The following NSMCE2 variants were observed in gnomAD, a reference collection of about 807,000 sequenced individuals.
NSMCE2 encodes E3 SUMO-protein ligase NSE2.
NSMCE2 carries 24 observed loss-of-function variants against 23.8 expected under a neutral mutation model. The observed-to-expected ratio is 1.01, with a 90% CI of 0.73 to 1.42. NSMCE2 has a LOEUF of 1.42. NSMCE2 is among the 40% of genes most tolerant of loss of function. NSMCE2 has a pLI of 0.00. For missense variants in NSMCE2, 284 were observed against 296.5 expected (o/e 0.96, Z 0.31); for synonymous variants, 92 against 94.1 (o/e 0.98, Z 0.13).
Position 125,179,793 on chromosome 8 carries a change from C to T in NSMCE2, c.265-2310C>T, listed in dbSNP as rs531131825. 2.6e-5 allele frequency among the ~76,000 whole-genome samples: 4 copies of T among 152,308 alleles called. No individual in the cohort carries two copies. In the South Asian group the frequency reaches 8.3e-4, roughly 32 times the overall value. ...CTCTCCCCTCCATCCTCACTGCCCC[C>T]ACTCAGTCTTCACCTCCTCAGCAGT... On this transcript the variant is annotated intron_variant, in intron 4 of 7. Transcript: ENST00000287437.
chr8:125,166,751 C>T (rs1821899648), intron 4 of NSMCE2, among the ~76,000 whole-genome samples: 1 of 152,160 alleles, frequency 6.6e-6, no homozygotes, highest in African/African-American at 2.4e-5. Flanking sequence ...CCAGTGGTCC[C>T]AGCTATGGAA....
chr8:125,309,525 G>A (rs1828897751), intron 5 of NSMCE2, among the ~76,000 whole-genome samples: 1 of 152,074 alleles, frequency 6.6e-6, no homozygotes, highest in African/African-American at 2.4e-5. Context: ...GAGTTTGAGA[G>A]CAAGCTGGAC....
intron 3 of NSMCE2, among the ~76,000 whole-genome samples, chr8:125,127,720 A>G (rs1450329341): frequency 6.6e-6 from 1 of 152,092 alleles, no homozygotes. Flanking sequence ...CTGAAACTTA[A>G]TAATACAGGT....
intron 7 of NSMCE2, among the ~76,000 whole-genome samples, 198 bp from the exon 8 acceptor site, chr8:125,366,570 T>TATCGCTTG (rs1266627982): frequency 6.6e-6 from 1 of 152,070 alleles, no homozygotes; most frequent in Non-Finnish European, 1.5e-5. Context: ...ACTACTCACA[T>TATCGCTTG]ATCGCTTGTG....
chr8:125,358,928 T>C (rs1280543159), intron 7 of NSMCE2, among the ~76,000 whole-genome samples: 1 of 152,174 alleles, frequency 6.6e-6, no homozygotes, highest in African/African-American at 2.4e-5. Flanking sequence ...GTAGACATTC[T>C]TAGTACATTT....
chr8:125,226,777 G>A (rs1486629049), intron 5 of NSMCE2, among the ~76,000 whole-genome samples: 1 of 152,016 alleles, frequency 6.6e-6, no homozygotes, highest in Non-Finnish European at 1.5e-5. Context: ...AATTGGGCAG[G>A]GAGAACAAGG....
At chr8:125,147,177 C>T (rs563552710) in intron 3 of NSMCE2, among the ~76,000 whole-genome samples, 1 of 152,290 alleles carries the variant, frequency 6.6e-6, no homozygotes, top group Non-Finnish European at 1.5e-5. Flanking sequence ...CACTCCAGTG[C>T]TGGTGCCATC....
chr8:125,356,554 C>T (rs1282984270), intron 5 of NSMCE2, among the ~76,000 whole-genome samples: 1 of 152,050 alleles, frequency 6.6e-6, no homozygotes, highest in Non-Finnish European at 1.5e-5. Context: ...GTCTCGATCT[C>T]TTGACCTCGT....
intron 5 of NSMCE2, among the ~76,000 whole-genome samples, chr8:125,222,589 A>G (rs1471536385): frequency 1.3e-5 from 2 of 152,098 alleles, no homozygotes; most frequent in Non-Finnish European, 2.9e-5. Flanking sequence ...AGCCTGTTTT[A>G]GATTCCACGT....
rs548968161 is a variant in NSMCE2 at position 125,230,649 on chromosome 8, C to T, written c.418+48393C>T. Among the ~76,000 whole-genome samples the T allele has an allele frequency of 1.1e-4, 16 of 152,238 alleles. No individual in the cohort carries two copies. In the East Asian group the frequency reaches 2.5e-3, roughly 24 times the overall value. Reference sequence around the variant, plus strand: ...AATAGTAGTACTATTGTAAGCTAATCGTATGCCAATGAGGAAAAACACCTT... The same window carrying T: ...AATAGTAGTACTATTGTAAGCTAATTGTATGCCAATGAGGAAAAACACCTT... On this transcript the variant is annotated intron_variant, in intron 5 of 7. Coordinates refer to ENST00000287437, the MANE Select transcript of NSMCE2 (RefSeq NM_173685.4).
intron 1 of NSMCE2, among the ~76,000 whole-genome samples, chr8:125,099,518 A>G (rs1479945394): frequency 2.0e-5 from 3 of 152,062 alleles, no homozygotes; most frequent in Admixed American, 6.5e-5. Flanking sequence ...GCTCAAGGAG[A>G]TGGAGAGGAA....
chr8:125,319,163 T>C (rs746285873), intron 5 of NSMCE2, among the ~76,000 whole-genome samples: 17 of 152,152 alleles, frequency 1.1e-4, no homozygotes, highest in Non-Finnish European at 1.8e-4. Flanking sequence ...AAATTAACCA[T>C]AGATTAAACA....
chr8:125,301,075 C>CA (rs1304641113), intron 5 of NSMCE2, among the ~76,000 whole-genome samples: 1 of 151,860 alleles, frequency 6.6e-6, no homozygotes. Context: ...AAAGAGAAAA[C>CA]AAAAAAAACT....
At chr8:125,223,499 C>T (rs1824961207) in intron 5 of NSMCE2, among the ~76,000 whole-genome samples, 1 of 152,112 alleles carries the variant, frequency 6.6e-6, no homozygotes. Flanking sequence ...TATGTATACC[C>T]AGAAGTGGGA....
chr8:125,196,979 G>T (rs1823654202), intron 5 of NSMCE2, among the ~76,000 whole-genome samples: 1 of 152,146 alleles, frequency 6.6e-6, no homozygotes, highest in Non-Finnish European at 1.5e-5. Context: ...TCATGCGTCT[G>T]TTGGCCGCAT....
chr8:125,246,475 C>G (rs966590184), intron 5 of NSMCE2, among the ~76,000 whole-genome samples: 1 of 152,098 alleles, frequency 6.6e-6, no homozygotes, highest in African/African-American at 2.4e-5. Context: ...AGCCACCATG[C>G]CTGGCCCCAA....
chr8:125,152,615 A>G (rs746819706), intron 4 of NSMCE2, among the ~76,000 whole-genome samples: 1 of 152,210 alleles, frequency 6.6e-6, no homozygotes, highest in Non-Finnish European at 1.5e-5. Context: ...AAGCCTTTCT[A>G]TCTTTAACTT....
intron 5 of NSMCE2, among the ~76,000 whole-genome samples, chr8:125,234,584 CAT>C (rs149251849): frequency 0.015 from 2,346 of 152,292 alleles, 41 homozygotes; most frequent in Admixed American, 0.048. Context: ...GGGATTTTCA[CAT>C]GTTTTGTCTC....
intron 3 of NSMCE2, among the ~76,000 whole-genome samples, chr8:125,120,979 T>C (rs1183438893): frequency 6.6e-6 from 1 of 152,240 alleles, no homozygotes; most frequent in Non-Finnish European, 1.5e-5. Flanking sequence ...CGAAGGTTGA[T>C]TGAAAAATGC....
Sources: allele counts gnomAD v4.1 joint callset (sites outside exome capture counted in the v4.1 genomes callset), GRCh38; gene constraint gnomAD v4.1.1; transcripts MANE v1.5; gene names NCBI Gene and HGNC (gene_info 2026-07-23, HGNC 2026-07-21).